TSHZ3: variants seen among roughly 807,000 people sequenced by gnomAD.
TSHZ3 encodes teashirt homolog 3.
TSHZ3 carries 10 observed loss-of-function variants against 64.5 expected under a neutral mutation model. The ratio of observed to expected loss-of-function variants is 0.16; its 90% confidence interval spans 0.10 to 0.26. The LOEUF (loss-of-function observed/expected upper bound fraction) is 0.26. Ranked by LOEUF, TSHZ3 falls within the 10% of genes least tolerant of loss-of-function variation. The pLI is 1.00. For missense variants in TSHZ3, 1,242 were observed against 1,421.7 expected (o/e 0.87, Z 2.03); for synonymous variants, 608 against 593.1 (o/e 1.03, Z -0.36).
At chr19:31,235,699 C>CTTTTTTTTTTTTT (rs34677399) in intron 3 of TSHZ3, among the ~76,000 whole-genome samples, 1 of 59,570 alleles carries the variant, frequency 1.7e-5, no homozygotes, top group African/African-American at 7.1e-5. Flanking sequence ...TCCTCTTCTT[C>CTTTTTTTTTTTTT]TTTTTTTTTT....
At chr19:31,313,050 T>G (rs1339831445) in intron 1 of TSHZ3, among the ~76,000 whole-genome samples, 2 of 152,120 alleles carry the variant, frequency 1.3e-5, no homozygotes, top group African/African-American at 2.4e-5. Flanking sequence ...GTTCAGGCAG[T>G]GCATGTGGTA....
chr19:31,163,984 G>A (rs1027171896), intron 5 of TSHZ3, among the ~76,000 whole-genome samples: 1 of 152,212 alleles, frequency 6.6e-6, no homozygotes, highest in African/African-American at 2.4e-5. Context: ...CACTGAGGAA[G>A]CTGAGGTGCA....
intron 1 of TSHZ3, among the ~76,000 whole-genome samples, chr19:31,316,206 G>A (rs1916598160): frequency 6.6e-6 from 1 of 152,142 alleles, no homozygotes; most frequent in Non-Finnish European, 1.5e-5. Flanking sequence ...TTCAGGGAGG[G>A]AGGCAGGAGT....
chr19:31,280,952 T>C (rs1309298190), intron 1 of TSHZ3, among the ~76,000 whole-genome samples: 2 of 152,214 alleles, frequency 1.3e-5, no homozygotes, highest in Admixed American at 1.3e-4. Context: ...GGGTAGTTTT[T>C]TGGACAGTGA....
At chr19:31,173,840 C>T (rs1198660394) in intron 5 of TSHZ3, among the ~76,000 whole-genome samples, 6 of 152,120 alleles carry the variant, frequency 3.9e-5, no homozygotes, top group East Asian at 3.9e-4. Context: ...GAGGCTGAAG[C>T]GGGCAGATCA....
intron 1 of TSHZ3, among the ~76,000 whole-genome samples, chr19:31,253,610 C>A (rs1030508066): frequency 6.6e-6 from 1 of 152,188 alleles, no homozygotes; most frequent in Non-Finnish European, 1.5e-5. Context: ...AATCCTCCCC[C>A]TTCAGCCTCC....
intron 1 of TSHZ3, among the ~76,000 whole-genome samples, chr19:31,290,745 ACCAGGGGAATACCCAAGGGCCAGAGGAT>A (rs1270015383): frequency 3.4e-4 from 51 of 152,068 alleles, no homozygotes; most frequent in Non-Finnish European, 1.2e-4. Flanking sequence ...CTCCCCAGAA[ACCAGGGGAATACCCAAGGGCCAGAGGAT>A]CCAGAAGGGC....
chr19:31,165,067 G>A (rs1160727123), intron 5 of TSHZ3, among the ~76,000 whole-genome samples: 2 of 152,214 alleles, frequency 1.3e-5, no homozygotes, highest in East Asian at 1.9e-4. Context: ...GGACAGAGGC[G>A]GCTTTGTCAC....
At chr19:31,290,894 C>T (rs1465565661) in intron 1 of TSHZ3, among the ~76,000 whole-genome samples, 1 of 152,116 alleles carries the variant, frequency 6.6e-6, no homozygotes, top group Non-Finnish European at 1.5e-5. Flanking sequence ...TTGCTCTTCC[C>T]ACTAGCAAGG....
At chr19:31,206,328 G>C (rs1296810810) in intron 4 of TSHZ3, among the ~76,000 whole-genome samples, 1 of 152,086 alleles carries the variant, frequency 6.6e-6, no homozygotes, top group East Asian at 1.9e-4. Context: ...TGGATGGATA[G>C]ATGGATGAGA....
At chr19:31,223,938 AGAG>A (rs1241260738) in intron 4 of TSHZ3, among the ~76,000 whole-genome samples, 1 of 152,194 alleles carries the variant, frequency 6.6e-6, no homozygotes, top group Non-Finnish European at 1.5e-5. Context: ...GTGTTTACTC[AGAG>A]GAGGCTACTT....
chr19:31,170,727 G>A (rs974577656), intron 5 of TSHZ3, among the ~76,000 whole-genome samples: 1 of 152,184 alleles, frequency 6.6e-6, no homozygotes, highest in Non-Finnish European at 1.5e-5. Context: ...GGGCCCTGTT[G>A]TCTATTAATT....
chr19:31,247,722 C>T (rs1398390592), intron 1 of TSHZ3, among the ~76,000 whole-genome samples: 1 of 152,066 alleles, frequency 6.6e-6, no homozygotes, highest in Non-Finnish European at 1.5e-5. Flanking sequence ...TTTCTAATTC[C>T]TGTGTTTATG....
At chr19:31,157,431 A>C (rs1051855332) in intron 5 of TSHZ3, among the ~76,000 whole-genome samples, 1 of 152,180 alleles carries the variant, frequency 6.6e-6, no homozygotes, top group Non-Finnish European at 1.5e-5. Flanking sequence ...TTTGCTCTAA[A>C]AGGTTAGAGC....
chr19:31,186,102 A>C (rs1403641126), intron 5 of TSHZ3, among the ~76,000 whole-genome samples: 1 of 151,954 alleles, frequency 6.6e-6, no homozygotes, highest in African/African-American at 2.4e-5. Flanking sequence ...TCCGGTTTTT[A>C]CCCATTATGA....
At chr19:31,231,950 G>T (rs1356483181) in intron 3 of TSHZ3, among the ~76,000 whole-genome samples, 1 of 151,998 alleles carries the variant, frequency 6.6e-6, no homozygotes, top group Non-Finnish European at 1.5e-5. Context: ...GCCCTGATTG[G>T]GTATCTGTAA....
At chr19:31,319,263 AAAG>A (rs1916695391) in intron 1 of TSHZ3, among the ~76,000 whole-genome samples, 1 of 152,380 alleles carries the variant, frequency 6.6e-6, no homozygotes, top group Middle Eastern at 3.4e-3. Flanking sequence ...CTGCAGATAA[AAAG>A]AAGAACGTTG....
intron 1 of TSHZ3, among the ~76,000 whole-genome samples, chr19:31,329,368 T>C (rs1018418278): frequency 6.6e-6 from 1 of 152,260 alleles, no homozygotes; most frequent in Admixed American, 6.5e-5. Context: ...TTTACATTTA[T>C]ATCACGTTAC....
At chr19:31,318,214 C>T (rs913378707) in intron 1 of TSHZ3, among the ~76,000 whole-genome samples, 2 of 152,038 alleles carry the variant, frequency 1.3e-5, no homozygotes, top group Non-Finnish European at 2.9e-5. Flanking sequence ...CTTATTCATT[C>T]TTTGATATTG....
Sources: gnomAD v4.1 joint callset for allele counts (sites outside exome capture counted in the v4.1 genomes callset) on GRCh38, gnomAD v4.1.1 for gene constraint, MANE v1.5 for transcripts, NCBI Gene and HGNC (gene_info 2026-07-23, HGNC 2026-07-21) for gene names.